Variants in PIGU observed in about 807,000 individuals in gnomAD.
PIGU encodes GPI-anchor transamidase component PIGU.
A neutral mutation model predicts 49.9 loss-of-function variants in PIGU; 24 were observed. That is an observed-to-expected ratio of 0.48 (90% CI 0.35 to 0.68). The LOEUF is 0.68. PIGU is among the 30% of genes least tolerant of loss of function. PIGU has a pLI of 0.01. For synonymous variants in PIGU, 220 were observed against 205.7 expected, an observed-to-expected ratio of 1.07 and a Z score of -0.59; for missense variants, 490 against 532.6, an observed-to-expected ratio of 0.92 and a Z score of 0.79.
At position 34,567,802 on chromosome 20, in the gene PIGU, C is replaced by CCT. The variant is rs11467880; in HGVS notation, c.1195-6825_1195-6824dup. On this transcript the variant is annotated intron_variant, in intron 11 of 11. Coordinates refer to ENST00000217446, the MANE Select transcript of PIGU (RefSeq NM_080476.5). Reference sequence around the variant, plus strand: ...GTTCCTCCTTTGCTCCCTCCTTCCTCCTCTCTCTCTCTCTCTCTCTCTCTC... The same window carrying CCT: ...GTTCCTCCTTTGCTCCCTCCTTCCTCCTCTCTCTCTCTCTCTCTCTCTCTCTC... 9.2e-3 allele frequency among the ~76,000 whole-genome samples: 1,335 copies of CCT among 144,570 alleles called. 11 individuals are homozygous for CCT. Among genetic ancestry groups the CCT allele is most frequent in the African/African-American group, 0.024 (929 of 38,822 alleles). The allele number at this position is 144,570 out of a possible 152,430, so 94.8% of individuals were successfully genotyped here.
chr20:34,674,074 A>G (rs1052122115), intron 1 of PIGU, among the ~76,000 whole-genome samples: 1 of 145,660 alleles, frequency 6.9e-6, no homozygotes. Flanking sequence ...CAACAAAAAA[A>G]GCTTGGCGCA....
intron 7 of PIGU, among the ~76,000 whole-genome samples, chr20:34,608,878 T>A (rs1371248440): frequency 6.6e-6 from 1 of 152,156 alleles, no homozygotes; most frequent in Admixed American, 6.5e-5. Context: ...ATACTAAGCT[T>A]CTTGTACCAC....
rs1407712906 is a variant in PIGU at position 34,644,188 on chromosome 20, T to G, written c.294A>C (p.Ala98=). 2 of 1,611,446 alleles carry G rather than the reference T, an allele frequency of 1.2e-6. No homozygotes were observed. Among genetic ancestry groups the G allele is most frequent in the Admixed American group, 1.7e-5 (1 of 59,982 alleles). Residue 98 remains alanine (A), a synonymous_variant, in exon 4 of 12, where the codon GCA becomes GCC. Coordinates refer to ENST00000217446, the MANE Select transcript of PIGU (RefSeq NM_080476.5). The part of the protein sequence containing the change: ...DALTAIALYF[A]IQDFNKVVFK... ...CCACAACTTTATTGAAGTCCTGGAT[T>G]GCAAAATACAGGGCAATAGCAGTGA...
intron 1 of PIGU, among the ~76,000 whole-genome samples, chr20:34,663,797 G>C (rs1986997783): frequency 6.6e-6 from 1 of 152,078 alleles, no homozygotes; most frequent in Admixed American, 6.6e-5. Context: ...AAATCACAAG[G>C]CATTTCTCAA....
Position 34,588,602 on chromosome 20 carries a change from C to T in PIGU, c.633G>A (p.Gln211=). The stretch of plus-strand genomic sequence containing the variant: ...TGCTCTTCATTTTCACAGGTATGTA[C>T]TGCCGCTGGAGAGAAGGCAAAGTGA... The part of the protein sequence containing the change: ...VPGLLYLLQR[Q]YIPVKMKSKA... The change falls in exon 8 of 12, where the codon CAG becomes CAA. Residue 211 remains glutamine (Q), a synonymous_variant. Coordinates refer to ENST00000217446, the MANE Select transcript of PIGU (RefSeq NM_080476.5). 6.2e-7 allele frequency: 1 copy of T among 1,613,250 alleles called. No individual in the cohort carries two copies. Among genetic ancestry groups the T allele is most frequent in the Non-Finnish European group, 8.5e-7 (1 of 1,179,632 alleles).
At chr20:34,589,435 C>T (rs1349630885) in intron 7 of PIGU, among the ~76,000 whole-genome samples, 7 of 152,176 alleles carry the variant, frequency 4.6e-5, no homozygotes, top group Non-Finnish European at 1.0e-4. Flanking sequence ...CTCACTGCAA[C>T]CTCTGCCTCC....
At chr20:34,579,191 T>C (rs1201809131) in intron 10 of PIGU, 1 of 152,160 alleles carries the variant, frequency 6.6e-6, no homozygotes, top group Admixed American at 6.6e-5. Flanking sequence ...ACAATAGTAA[T>C]AAAAACAAAA....
intron 7 of PIGU, among the ~76,000 whole-genome samples, chr20:34,600,397 A>C (rs759874704): frequency 1.6e-4 from 25 of 151,744 alleles, no homozygotes; most frequent in Non-Finnish European, 2.2e-4. Flanking sequence ...ACAGAGAAAA[A>C]AGAGAAGAGA....
At chr20:34,675,308 G>A (rs1176043844) in intron 1 of PIGU, among the ~76,000 whole-genome samples, 1 of 149,424 alleles carries the variant, frequency 6.7e-6, no homozygotes, top group Admixed American at 6.7e-5. Flanking sequence ...GATATAAACA[G>A]GTAATTATGA....
intron 1 of PIGU, among the ~76,000 whole-genome samples, chr20:34,666,514 TTTAA>T (rs528356289): frequency 2.6e-4 from 39 of 150,830 alleles, no homozygotes; most frequent in African/African-American, 6.3e-4. Flanking sequence ...AGCAAGCTTA[TTTAA>T]TTAATTAATT....
At chr20:34,585,128 C>A (rs772541212) in intron 9 of PIGU, among the ~76,000 whole-genome samples, 1 of 152,256 alleles carries the variant, frequency 6.6e-6, no homozygotes, top group African/African-American at 2.4e-5. Flanking sequence ...AGCCACCATG[C>A]CTGGCCACCG....
At chr20:34,616,572 A>G (rs1304834178) in intron 6 of PIGU, among the ~76,000 whole-genome samples, 6 of 152,140 alleles carry the variant, frequency 3.9e-5, no homozygotes, top group Non-Finnish European at 8.8e-5. Context: ...TCTTTACAAC[A>G]GCCCTTCCTT....
chr20:34,576,220 T>A (rs1380730393), intron 10 of PIGU, among the ~76,000 whole-genome samples: 1 of 151,926 alleles, frequency 6.6e-6, no homozygotes, highest in Non-Finnish European at 1.5e-5. Flanking sequence ...AAAAAAATTT[T>A]AAAATTTAAA....
intron 7 of PIGU, among the ~76,000 whole-genome samples, chr20:34,613,252 C>T (rs1160299146): frequency 6.6e-6 from 1 of 152,272 alleles, no homozygotes; most frequent in Non-Finnish European, 1.5e-5. Context: ...CCCATCTACC[C>T]GACAAGCTGC....
intron 4 of PIGU, chr20:34,643,719 G>T (rs1354465201): frequency 1.4e-5 from 2 of 147,066 alleles, no homozygotes; most frequent in African/African-American, 5.1e-5. Context: ...TTTCTGCAGG[G>T]AGACAGAAAT....
At chr20:34,586,735 G>T (rs1983711451) in intron 8 of PIGU, among the ~76,000 whole-genome samples, 1 of 152,132 alleles carries the variant, frequency 6.6e-6, no homozygotes, top group African/African-American at 2.4e-5. Context: ...CAATACTCAA[G>T]TCCATTTGAG....
intron 7 of PIGU, among the ~76,000 whole-genome samples, chr20:34,614,578 T>C (rs920858098): frequency 2.0e-5 from 3 of 150,686 alleles, no homozygotes; most frequent in African/African-American, 7.3e-5. Flanking sequence ...TGAGCTGAGA[T>C]TGTGCCACTG....
intron 2 of PIGU, among the ~76,000 whole-genome samples, chr20:34,645,896 C>CA (rs1379084046): frequency 6.6e-6 from 1 of 150,622 alleles, no homozygotes; most frequent in Admixed American, 6.6e-5. Context: ...GACTCTGTCT[C>CA]AAAAAAAATA....
At chr20:34,650,879 A>G (rs1229204384) in intron 2 of PIGU, among the ~76,000 whole-genome samples, 3 of 150,544 alleles carry the variant, frequency 2.0e-5, no homozygotes, top group Admixed American at 2.0e-4. Flanking sequence ...ATGCCTGGCT[A>G]ATTTTTGTAT....
Sources: allele counts gnomAD v4.1 joint callset (sites outside exome capture counted in the v4.1 genomes callset), GRCh38; gene constraint gnomAD v4.1.1; transcripts MANE v1.5; gene names NCBI Gene and HGNC (gene_info 2026-07-23, HGNC 2026-07-21).